APOL5: variants seen among roughly 807,000 people sequenced by gnomAD.
APOL5 encodes the protein apolipoprotein L5, also known as apolipoprotein L, 5.
Under a neutral mutation model 35.5 loss-of-function variants are expected in APOL5, and 29 were observed. That is an observed-to-expected ratio of 0.82 (90% CI 0.61 to 1.11). The LOEUF (loss-of-function observed/expected upper bound fraction) is 1.11. Among genes scored for constraint, APOL5 ranks in the 50% most tolerant of loss-of-function variants. The pLI is 0.00. For missense variants in APOL5, 514 were observed against 530.4 expected, an observed-to-expected ratio of 0.97 and a Z score of 0.30; for synonymous variants, 188 against 200.2, an observed-to-expected ratio of 0.94 and a Z score of 0.51.
At chr22:35,713,829 G>C (rs552714035), upstream of APOL5, among the ~76,000 whole-genome samples, 27 of 152,174 alleles carry the variant, frequency 1.8e-4, no homozygotes, top group Non-Finnish European at 3.2e-4. Flanking sequence ...AGTGACTTGA[G>C]GCACTGGATG....
the APOL5 span, among the ~76,000 whole-genome samples, chr22:35,711,599 T>TTTCCTTCCTTCCTTCCTTCCTTCTTTCC: frequency 2.2e-4 from 17 of 77,560 alleles, no homozygotes; most frequent in African/African-American, 9.0e-4. Context: ...TCACCATGTT[T>TTTCCTTCCTTCCTTCCTTCCTTCTTTCC]TTCCTTCCTT....
chr22:35,728,963 T>A, intron 4 of APOL5, 59 bp downstream of exon 4: 3 of 1,418,396 alleles, frequency 2.1e-6, no homozygotes, highest in Non-Finnish European at 2.8e-6. Flanking sequence ...AAGTAACCCC[T>A]CCTTGGGTGG....
In APOL5 at chr22:35,728,342, A is replaced by G. The variant is rs56095616; in HGVS notation, c.1127-381A>G. On this transcript the variant is annotated intron_variant, in intron 3 of 4. Coordinates refer to ENST00000249044, the MANE Select transcript of APOL5 (RefSeq NM_030642.1). ...GGGTTCACGCCATTCTCCTGCCTCA[A>G]TCCCCCGAGTAGCTGGGACTACAGG... 4.5e-4 allele frequency among the ~76,000 whole-genome samples: 69 copies of G among 152,104 alleles called. 1 individual carries two copies. In the South Asian group the frequency reaches 6.2e-3, roughly 14 times the overall value.
At chr22:35,715,063 C>T (rs1926703375), upstream of APOL5, among the ~76,000 whole-genome samples, 1 of 152,188 alleles carries the variant, frequency 6.6e-6, no homozygotes, top group Non-Finnish European at 1.5e-5. Context: ...CATAATCAAA[C>T]ACAAGATGAT....
chr22:35,717,312 G>A (rs1323909883), upstream of APOL5, among the ~76,000 whole-genome samples: 1 of 146,288 alleles, frequency 6.8e-6, no homozygotes, highest in African/African-American at 2.5e-5. Flanking sequence ...GCTAAGACAG[G>A]AGGATCACTT....
At chr22:35,717,954 A>G in intron 1 of APOL5, 28 bp downstream of exon 1, 1 of 1,531,672 alleles carries the variant, frequency 6.5e-7, no homozygotes, top group South Asian at 1.3e-5. Context: ...TTCAGAAAAC[A>G]AGCAATTCTC....
chr22:35,728,836 C>T lies in APOL5; in HGVS notation c.1240C>T (p.Gln414Ter). The change falls in exon 4 of 5, where the codon CAG becomes TAG. Residue 414 changes from glutamine (Q) to a stop codon, truncating the protein, a stop_gained. Transcript: ENST00000249044. LOFTEE classifies it low-confidence loss of function (END_TRUNC). ...CTCTGCCCCAAGGATGCTTGGCCACCAGCCAGCCCCACCAGCACCAGCAAG... is the reference window on the plus strand; with the variant it reads ...CTCTGCCCCAAGGATGCTTGGCCACTAGCCAGCCCCACCAGCACCAGCAAG... Reference protein sequence around the residue: ...TVSAPRMLGHQPAPPAPARKG... With the variant: ...TVSAPRMLGH The T allele has an allele frequency of 6.2e-7, 1 of 1,612,352 alleles. No individual in the cohort carries two copies. Among genetic ancestry groups the T allele is most frequent in the Non-Finnish European group, 8.5e-7 (1 of 1,179,326 alleles).
the APOL5 span, among the ~76,000 whole-genome samples, chr22:35,709,805 T>G: frequency 7.2e-5 from 11 of 152,256 alleles, no homozygotes; most frequent in Admixed American, 5.9e-4. Flanking sequence ...TGTTTTCTCT[T>G]GTATAAAATC....
chr22:35,723,888 C>T (rs1031657225), intron 2 of APOL5, among the ~76,000 whole-genome samples: 4 of 152,146 alleles, frequency 2.6e-5, no homozygotes, highest in African/African-American at 7.2e-5. Flanking sequence ...ACTCTGGAGG[C>T]GGAGGTTGCA....
intron 2 of APOL5, among the ~76,000 whole-genome samples, chr22:35,725,176 C>T (rs1927106226): frequency 6.6e-6 from 1 of 152,208 alleles, no homozygotes; most frequent in South Asian, 2.1e-4. Context: ...GAGTTTAATT[C>T]ATGCAGAGCC....
upstream of APOL5, chr22:35,717,736 C>T (rs185279848): frequency 4.7e-4 from 79 of 168,374 alleles, 1 homozygote; most frequent in African/African-American, 0.015. Flanking sequence ...GAAGCTCCAT[C>T]GCAAAAAAAA....
At chr22:35,718,420 C>T (rs1234347887) in intron 1 of APOL5, among the ~76,000 whole-genome samples, 1 of 151,934 alleles carries the variant, frequency 6.6e-6, no homozygotes, top group Non-Finnish European at 1.5e-5. Flanking sequence ...GAGTTCAAGA[C>T]CAGCCTGGCC....
At chr22:35,726,010 T>G (rs1486044761) in intron 2 of APOL5, among the ~76,000 whole-genome samples, 1 of 152,234 alleles carries the variant, frequency 6.6e-6, no homozygotes, top group Non-Finnish European at 1.5e-5. Flanking sequence ...CCAAAGTTAG[T>G]TCAGCTTATG....
At chr22:35,717,027 G>A (rs996961379), upstream of APOL5, among the ~76,000 whole-genome samples, 11 of 151,262 alleles carry the variant, frequency 7.3e-5, no homozygotes, top group South Asian at 2.1e-4. Context: ...TGTTGTGTCC[G>A]TGGTGGGTGT....
intron 2 of APOL5, among the ~76,000 whole-genome samples, chr22:35,725,298 C>T (rs758279837): frequency 4.6e-5 from 7 of 152,090 alleles, no homozygotes; most frequent in Non-Finnish European, 8.8e-5. Flanking sequence ...TGAACTCTTG[C>T]TCTGTCACCC....
intron 1 of APOL5, 83 bp downstream of exon 1, chr22:35,718,009 A>G (rs899817073): frequency 8.7e-7 from 1 of 1,147,490 alleles, no homozygotes; most frequent in Non-Finnish European, 1.2e-6. Context: ...ACGTTACACT[A>G]TTTTTTATAC....
upstream of APOL5, among the ~76,000 whole-genome samples, chr22:35,715,995 C>G (rs1286995801): frequency 2.6e-5 from 4 of 152,026 alleles, no homozygotes; most frequent in Admixed American, 2.6e-4. Context: ...AGAAAAGTAT[C>G]AAATTGGGTC....
upstream of APOL5, among the ~76,000 whole-genome samples, chr22:35,717,602 T>G (rs1406695428): frequency 1.3e-5 from 2 of 151,054 alleles, no homozygotes; most frequent in African/African-American, 4.9e-5. Context: ...TAGCCAGGCA[T>G]GGTGGCAGGC....
intron 2 of APOL5, among the ~76,000 whole-genome samples, chr22:35,721,544 TA>T (rs5845237): frequency 4.7e-5 from 7 of 148,816 alleles, no homozygotes; most frequent in East Asian, 2.0e-4. Flanking sequence ...GGGCTTCATT[TA>T]AAAAAAAAAA....
Sources: allele counts gnomAD v4.1 joint callset (sites outside exome capture counted in the v4.1 genomes callset), GRCh38; gene constraint gnomAD v4.1.1; transcripts MANE v1.5; gene names NCBI Gene and HGNC (gene_info 2026-07-23, HGNC 2026-07-21).